The following ZNF723 variants were observed in gnomAD, a reference collection of about 807,000 sequenced individuals.
ZNF723 encodes the protein zinc finger protein 723, pseudogene.
In ZNF723, 5 loss-of-function variants were observed where a neutral mutation model predicts 9.4. That is an observed-to-expected ratio of 0.53 (90% confidence interval 0.28 to 1.12). ZNF723 has a LOEUF of 1.12. Ranked by LOEUF, ZNF723 falls within the 50% of genes most tolerant of loss-of-function variation. The pLI is 0.10. For missense variants in ZNF723, 450 were observed against 501.5 expected, an observed-to-expected ratio of 0.90 and a Z score of 0.98; for synonymous variants, 158 against 168.8, an observed-to-expected ratio of 0.94 and a Z score of 0.49.
At chr19:22,855,970 G>T (rs1310986278) in intron 3 of ZNF723, among the ~76,000 whole-genome samples, 1 of 151,604 alleles carries the variant, frequency 6.6e-6, no homozygotes, top group African/African-American at 2.4e-5. Context: ...GTTTGTTTTT[G>T]TTTTTTGAGA....
At chr19:22,835,480 A>G (rs554945530) in intron 1 of ZNF723, among the ~76,000 whole-genome samples, 8 of 152,310 alleles carry the variant, frequency 5.3e-5, no homozygotes, top group Admixed American at 1.3e-4. Context: ...GTGAGTTTCA[A>G]AATATATTCC....
At chr19:22,850,385 T>C (rs2145225543) in intron 3 of ZNF723, among the ~76,000 whole-genome samples, 1 of 151,850 alleles carries the variant, frequency 6.6e-6, no homozygotes, top group East Asian at 1.9e-4. Context: ...TTTTGTATTT[T>C]TAGTAGAGCC....
At chr19:22,831,948 T>A (rs1331688012), upstream of ZNF723, among the ~76,000 whole-genome samples, 1 of 152,072 alleles carries the variant, frequency 6.6e-6, no homozygotes, top group Non-Finnish European at 1.5e-5. Flanking sequence ...TTAGGCTGCC[T>A]CTTTAAAGAA....
chr19:22,832,565 C>T (rs915628686), intron 1 of ZNF723, among the ~76,000 whole-genome samples, 183 bp downstream of exon 1: 2 of 152,160 alleles, frequency 1.3e-5, no homozygotes, highest in African/African-American at 4.8e-5. Flanking sequence ...CAGCCGGGCC[C>T]GAGCGTCTTG....
upstream of ZNF723, among the ~76,000 whole-genome samples, chr19:22,830,517 A>T (rs1967082439): frequency 8.2e-6 from 1 of 121,286 alleles, no homozygotes. Context: ...CTACACAGGC[A>T]CAAATCTAAA....
intron 3 of ZNF723, among the ~76,000 whole-genome samples, chr19:22,855,029 A>G (rs1220331150): frequency 6.6e-6 from 1 of 152,120 alleles, no homozygotes; most frequent in Admixed American, 6.6e-5. Flanking sequence ...CCTGGGCAAC[A>G]AGATTGAAAC....
intron 3 of ZNF723, among the ~76,000 whole-genome samples, chr19:22,853,584 T>A (rs1286924784): frequency 2.0e-5 from 3 of 152,144 alleles, no homozygotes; most frequent in African/African-American, 4.8e-5. Flanking sequence ...ATGAAATTTG[T>A]TAAGACTTTT....
chr19:22,822,628 C>T, the ZNF723 span, among the ~76,000 whole-genome samples: 243 of 152,142 alleles, frequency 1.6e-3, 1 homozygote, highest in African/African-American at 5.6e-3. Flanking sequence ...TTTGGGAGGC[C>T]GAGGCAGGCG....
chr19:22,836,101 G>C (rs1967162732), intron 1 of ZNF723, among the ~76,000 whole-genome samples: 1 of 152,104 alleles, frequency 6.6e-6, no homozygotes, highest in African/African-American at 2.4e-5. Flanking sequence ...GGGACTCCAA[G>C]CTAAGGCTAA....
At chr19:22,827,442 T>G (rs202117049), upstream of ZNF723, among the ~76,000 whole-genome samples, 18 of 130,392 alleles carry the variant, frequency 1.4e-4, no homozygotes, top group African/African-American at 4.4e-4. Flanking sequence ...TTTTTTGTTT[T>G]TTTGTTTGTT....
At chr19:22,855,230 C>CT (rs71163413) in intron 3 of ZNF723, among the ~76,000 whole-genome samples, 2,483 of 135,188 alleles carry the variant, frequency 0.018, 56 homozygotes, top group African/African-American at 0.051. Flanking sequence ...TATGTGTTTT[C>CT]TTTTTTTTTT....
intron 2 of ZNF723, 127 bp from the exon 3 acceptor site, chr19:22,849,071 A>G: frequency 2.7e-6 from 1 of 374,274 alleles, no homozygotes. Context: ...CTAAATATTA[A>G]GAAATTACTG....
At chr19:22,841,824 T>G (rs909593625) in intron 1 of ZNF723, among the ~76,000 whole-genome samples, 1 of 152,008 alleles carries the variant, frequency 6.6e-6, no homozygotes, top group African/African-American at 2.4e-5. Flanking sequence ...CCCACAAATA[T>G]GCAAGTAACA....
the ZNF723 span, among the ~76,000 whole-genome samples, chr19:22,824,770 G>A: frequency 6.6e-6 from 1 of 152,166 alleles, no homozygotes; most frequent in Non-Finnish European, 1.5e-5. Context: ...GCTGTTCACA[G>A]TTGGAATTGT....
In ZNF723 at chr19:22,857,719, G is replaced by T. The variant is rs930093846; in HGVS notation, c.828G>T (p.Lys276Asn). The T allele has an allele frequency of 2.6e-5, 33 of 1,272,352 alleles. No individual in the cohort carries two copies. The allele number at this position is 1,272,352 out of a possible 1,614,324, so 78.8% of individuals were successfully genotyped here. A position where few individuals can be genotyped will look rare whatever the true frequency, so the allele number is the denominator to read the frequency against. ...FNMFSSLNNH[K>N]RIHTGEKPYK... is the part of the protein sequence containing the mutation. Reference sequence around the variant, plus strand: ...TGTTCTCAAGCCTTAATAATCATAAGAGAATTCACACTGGAGAGAAACCCT... The same window carrying T: ...TGTTCTCAAGCCTTAATAATCATAATAGAATTCACACTGGAGAGAAACCCT... Residue 276 changes from lysine to asparagine, a missense_variant, in exon 4 of 4, where the codon AAG (lysine) becomes AAT (asparagine). Transcript: ENST00000600766.
intron 3 of ZNF723, among the ~76,000 whole-genome samples, chr19:22,854,796 C>A (rs1967449955): frequency 6.6e-6 from 1 of 152,032 alleles, no homozygotes; most frequent in Admixed American, 6.6e-5. Flanking sequence ...ACCTGTAATC[C>A]CATCACTTTG....
the ZNF723 span, among the ~76,000 whole-genome samples, chr19:22,819,945 T>A: frequency 1.3e-5 from 2 of 152,156 alleles, no homozygotes; most frequent in Non-Finnish European, 2.9e-5. Context: ...CCTGGAGCTT[T>A]CATACAGCAT....
chr19:22,830,373 G>A (rs916713548), upstream of ZNF723, among the ~76,000 whole-genome samples: 5 of 152,150 alleles, frequency 3.3e-5, no homozygotes, highest in African/African-American at 1.2e-4. Flanking sequence ...TTACTATGTT[G>A]CCCAGGCTGT....
upstream of ZNF723, among the ~76,000 whole-genome samples, chr19:22,829,826 T>A (rs1967075658): frequency 6.6e-6 from 1 of 152,216 alleles, no homozygotes; most frequent in Non-Finnish European, 1.5e-5. Context: ...AATATAAGAA[T>A]GTCAACTGTT....
Sources: allele counts gnomAD v4.1 joint callset (sites outside exome capture counted in the v4.1 genomes callset), GRCh38; gene constraint gnomAD v4.1.1; transcripts MANE v1.5; gene names NCBI Gene and HGNC (gene_info 2026-07-23, HGNC 2026-07-21).